GAS7: variants seen among roughly 807,000 people sequenced by gnomAD.
The protein encoded by GAS7 is growth arrest specific 7, also known as growth arrest-specific protein 7.
Under a neutral mutation model 71.1 loss-of-function variants are expected in GAS7, and 28 were observed. That is an observed-to-expected ratio of 0.39 (90% CI 0.29 to 0.54). The LOEUF is 0.54. Among genes scored for constraint, GAS7 ranks in the 20% least tolerant of loss-of-function variants. The pLI, the probability that GAS7 is intolerant of heterozygous loss-of-function variation, is 0.62. For missense variants in GAS7, 436 were observed against 627.8 expected, an observed-to-expected ratio of 0.69 and a Z score of 3.27; for synonymous variants, 258 against 245.8, an observed-to-expected ratio of 1.05 and a Z score of -0.46.
At chr17:10,040,745 T>C (rs1454731820) in intron 1 of GAS7, among the ~76,000 whole-genome samples, 1 of 152,182 alleles carries the variant, frequency 6.6e-6, no homozygotes, top group East Asian at 1.9e-4. Context: ...ATCTTCTCTC[T>C]GCAGTGTGGG....
At chr17:10,039,669 T>A (rs976994114) in intron 1 of GAS7, 13 of 447,434 alleles carry the variant, frequency 2.9e-5, no homozygotes, top group Non-Finnish European at 5.4e-5. Context: ...GACGTCAGAG[T>A]GAGACCCTGT....
At chr17:9,954,204 C>T (rs970909739) in intron 5 of GAS7, among the ~76,000 whole-genome samples, 1 of 152,106 alleles carries the variant, frequency 6.6e-6, no homozygotes, top group Non-Finnish European at 1.5e-5. Context: ...CACTGCGTAC[C>T]CCTCAGAGAG....
At chr17:10,013,102 CA>C (rs1207550210) in intron 2 of GAS7, among the ~76,000 whole-genome samples, 30,594 of 96,812 alleles carry the variant, frequency 0.32, 3,295 homozygotes, top group African/African-American at 0.38. Context: ...GACTCTGTCT[CA>C]AAAAAAAAAA....
chr17:9,965,883 G>A (rs377676048), intron 4 of GAS7, among the ~76,000 whole-genome samples: 24 of 152,174 alleles, frequency 1.6e-4, no homozygotes, highest in African/African-American at 5.8e-4. Flanking sequence ...GCACCCTCAG[G>A]AACTGTGGGG....
intron 1 of GAS7, among the ~76,000 whole-genome samples, chr17:10,180,613 A>G (rs2074407370): frequency 6.6e-6 from 1 of 152,064 alleles, no homozygotes; most frequent in Non-Finnish European, 1.5e-5. Flanking sequence ...TATATATACA[A>G]TGACTTCATG....
intron 1 of GAS7, among the ~76,000 whole-genome samples, chr17:10,164,167 G>C (rs2074275826): frequency 6.6e-6 from 1 of 152,174 alleles, no homozygotes; most frequent in South Asian, 2.1e-4. Flanking sequence ...CATGGACTGG[G>C]CGCGGTGGCT....
chr17:9,994,328 C>T (rs999834832), intron 2 of GAS7, among the ~76,000 whole-genome samples: 4 of 148,538 alleles, frequency 2.7e-5, no homozygotes, highest in African/African-American at 5.0e-5. Flanking sequence ...GGTACCAAAA[C>T]AGAGATATAG....
chr17:10,016,794 A>C (rs1353524932), intron 2 of GAS7, among the ~76,000 whole-genome samples: 1 of 134,336 alleles, frequency 7.4e-6, no homozygotes, highest in Non-Finnish European at 1.6e-5. Flanking sequence ...TAATAATAAT[A>C]ATACAAAAAG....
At chr17:10,058,274 AC>A (rs1301301357) in intron 1 of GAS7, among the ~76,000 whole-genome samples, 1 of 151,652 alleles carries the variant, frequency 6.6e-6, no homozygotes, top group African/African-American at 2.4e-5. Flanking sequence ...AAAAACAAAA[AC>A]AAAACAAAAC....
intron 1 of GAS7, among the ~76,000 whole-genome samples, chr17:10,091,433 G>A (rs1214737771): frequency 6.6e-6 from 1 of 152,116 alleles, no homozygotes; most frequent in Non-Finnish European, 1.5e-5. Flanking sequence ...CTGTCCCCAG[G>A]CTAGAGCACG....
At chr17:10,082,090 C>A (rs1030186932) in intron 1 of GAS7, among the ~76,000 whole-genome samples, 1 of 152,126 alleles carries the variant, frequency 6.6e-6, no homozygotes, top group Non-Finnish European at 1.5e-5. Flanking sequence ...ACGAAAAAAA[C>A]TCAAAAACAC....
At chr17:10,018,029 T>C (rs754560662) in intron 2 of GAS7, among the ~76,000 whole-genome samples, 1 of 152,186 alleles carries the variant, frequency 6.6e-6, no homozygotes, top group Non-Finnish European at 1.5e-5. Flanking sequence ...ATGCGATGGA[T>C]TACTACACAG....
At position 9,981,223 on chromosome 17, in the gene GAS7, G is replaced by GA. The variant is rs140766391; in HGVS notation, c.385+580_385+581insT. On this transcript the variant is annotated intron_variant, in intron 3 of 13. Transcript: ENST00000432992. This position sits in a 1 kb window ranked among gnomAD's most constrained non-coding sequence, Gnocchi z 4.4. Reference sequence around the variant, plus strand: ...ACAAGAATCCATTGAACCCAGAAGGGGAGGTTGCAGTGAGCCGAGACTGCA... The same window carrying GA: ...ACAAGAATCCATTGAACCCAGAAGGGAGAGGTTGCAGTGAGCCGAGACTGCA... Among the ~76,000 whole-genome samples, 30,332 of 151,796 alleles carry GA rather than the reference G, an allele frequency of 0.2. 3,290 individuals carry two copies. Among genetic ancestry groups the GA allele is most frequent in the Middle Eastern group, 0.3 (86 of 290 alleles).
intron 1 of GAS7, among the ~76,000 whole-genome samples, chr17:10,087,306 C>T (rs1347379381): frequency 6.6e-6 from 1 of 152,092 alleles, no homozygotes; most frequent in Non-Finnish European, 1.5e-5. Context: ...AGAACTGGCC[C>T]AGCATGTTTT....
intron 5 of GAS7, among the ~76,000 whole-genome samples, chr17:9,951,449 C>T (rs113611683): frequency 0.015 from 2,194 of 144,946 alleles, 82 homozygotes; most frequent in Admixed American, 0.079. Flanking sequence ...CGGGGAAACA[C>T]TTCCCTACAA....
At chr17:9,917,630 C>T (rs1347976838) in intron 13 of GAS7, among the ~76,000 whole-genome samples, 2 of 152,234 alleles carry the variant, frequency 1.3e-5, no homozygotes, top group Non-Finnish European at 2.9e-5. Context: ...CATTTACCAC[C>T]AGTGAACAGG....
intron 3 of GAS7, among the ~76,000 whole-genome samples, chr17:9,973,011 GA>G (rs1388868259): frequency 6.6e-6 from 1 of 152,136 alleles, no homozygotes; most frequent in Non-Finnish European, 1.5e-5. Context: ...AAGATCTGGG[GA>G]AAAAATTTTA....
intron 1 of GAS7, among the ~76,000 whole-genome samples, chr17:10,155,108 G>C (rs929941268): frequency 3.1e-4 from 47 of 151,736 alleles, no homozygotes; most frequent in African/African-American, 1.1e-3. Flanking sequence ...TCCGCCTCCC[G>C]GGTTCAAGCG....
intron 1 of GAS7, among the ~76,000 whole-genome samples, chr17:10,141,413 A>C (rs1261345016): frequency 1.3e-5 from 2 of 151,388 alleles, no homozygotes; most frequent in Non-Finnish European, 2.9e-5. Flanking sequence ...GCACCGGTGC[A>C]CTCCAGCCTG....
Sources: allele counts gnomAD v4.1 joint callset (sites outside exome capture counted in the v4.1 genomes callset), GRCh38; gene constraint gnomAD v4.1.1; non-coding constraint Gnocchi (gnomAD v3.1); transcripts MANE v1.5; gene names NCBI Gene and HGNC (gene_info 2026-07-23, HGNC 2026-07-21).